The following MIA2 variants were observed in gnomAD, a reference collection of about 807,000 sequenced individuals.
MIA2 encodes melanoma inhibitory activity protein 2.
Under a neutral mutation model 167.8 loss-of-function variants are expected in MIA2, and 127 were observed. The ratio of observed to expected loss-of-function variants is 0.76; its 90% CI spans 0.66 to 0.88. MIA2 has a LOEUF of 0.88. MIA2 is among the 40% of genes least tolerant of loss of function. The pLI is 0.00. For synonymous variants in MIA2, 552 were observed against 541.9 expected, an observed-to-expected ratio of 1.02 and a Z score of -0.26; for missense variants, 1,690 against 1,624.7, an observed-to-expected ratio of 1.04 and a Z score of -0.69.
In MIA2 at chr14:39,318,954, C is replaced by T. The variant is rs904336336; in HGVS notation, c.3285-255C>T. 2.0e-5 allele frequency among the ~76,000 whole-genome samples: 3 copies of T among 152,092 alleles called. No individual in the cohort carries two copies. In the South Asian group the frequency reaches 6.2e-4, roughly 32 times the overall value. The stretch of plus-strand genomic sequence containing the variant: ...TCTGTGATATAGTACTCATGGTAGT[C>T]TAGTTTTGAAGAAGAAATAAAACAA... On this transcript the variant is annotated intron_variant, in intron 22 of 28. Coordinates refer to ENST00000640607, the MANE Select transcript of MIA2 (RefSeq NM_001329214.4).
In MIA2 at chr14:39,294,086, T is replaced by G; in HGVS notation, c.2391+15T>G. 6.5e-7 allele frequency: 1 copy of G among 1,547,088 alleles called. No homozygotes were observed. Among genetic ancestry groups the G allele is most frequent in the Non-Finnish European group, 8.8e-7 (1 of 1,130,152 alleles). On this transcript the variant is annotated intron_variant, in intron 12 of 28. Transcript: ENST00000640607. ...AAGTAGCTGAAGTAAGTTGAATTAG[T>G]CTAGTAGGTCTGTTGCTTTTGGAAA...
At chr14:39,385,100 G>A (rs1335675904) in intron 23 of MIA2, among the ~76,000 whole-genome samples, 1 of 152,096 alleles carries the variant, frequency 6.6e-6, no homozygotes, top group Non-Finnish European at 1.5e-5. Context: ...ACTGACGACT[G>A]CTACTTGATG....
chr14:39,272,527 G>C (rs923051196), intron 6 of MIA2, among the ~76,000 whole-genome samples: 1 of 152,296 alleles, frequency 6.6e-6, no homozygotes, highest in African/African-American at 2.4e-5. Flanking sequence ...TTGAAGTTGG[G>C]GTTTCACTAG....
intron 4 of MIA2, among the ~76,000 whole-genome samples, chr14:39,249,026 A>G (rs548378413): frequency 5.3e-5 from 8 of 152,316 alleles, no homozygotes; most frequent in African/African-American, 1.9e-4. Flanking sequence ...GGTGTGAGCC[A>G]TCGTGCCTGG....
chr14:39,330,673 T>G (rs909964173), intron 25 of MIA2, among the ~76,000 whole-genome samples: 1 of 152,206 alleles, frequency 6.6e-6, no homozygotes, highest in South Asian at 2.1e-4. Context: ...GTCTTTGTTC[T>G]CATTGGTTTC....
At chr14:39,359,772 A>G (rs984454895) in intron 23 of MIA2, among the ~76,000 whole-genome samples, 3 of 152,200 alleles carry the variant, frequency 2.0e-5, no homozygotes, top group Non-Finnish European at 4.4e-5. Flanking sequence ...TGCTATTGTC[A>G]GTAGTGCTGT....
intron 28 of MIA2, among the ~76,000 whole-genome samples, chr14:39,349,548 T>A (rs541347287): frequency 6.6e-6 from 1 of 152,346 alleles, no homozygotes; most frequent in African/African-American, 2.4e-5. Flanking sequence ...AGAATAAATA[T>A]GTGGTTACCA....
At chr14:39,380,187 A>G (rs1232429312) in intron 23 of MIA2, among the ~76,000 whole-genome samples, 1 of 152,256 alleles carries the variant, frequency 6.6e-6, no homozygotes, top group Non-Finnish European at 1.5e-5. Context: ...CACAACAGCA[A>G]TTAAAACCTG....
At chr14:39,255,385 A>G (rs1224553430) in intron 6 of MIA2, among the ~76,000 whole-genome samples, 1 of 152,114 alleles carries the variant, frequency 6.6e-6, no homozygotes, top group Non-Finnish European at 1.5e-5. Flanking sequence ...GCGCGCATCT[A>G]TAATCCCAGC....
intron 23 of MIA2, among the ~76,000 whole-genome samples, chr14:39,375,953 ATTTTTT>A (rs957320370): frequency 1.3e-5 from 2 of 151,930 alleles, no homozygotes; most frequent in Non-Finnish European, 2.9e-5. Context: ...TGAAAAATTG[ATTTTTT>A]TATTTTTATT....
At chr14:39,346,136 C>T (rs1016642561) in intron 26 of MIA2, 110 bp downstream of exon 26, 10 of 831,134 alleles carry the variant, frequency 1.2e-5, no homozygotes, top group African/African-American at 3.4e-5. Flanking sequence ...TTCCTAAGGC[C>T]AAAATCTCTT....
At chr14:39,269,301 T>G (rs2056695387) in intron 6 of MIA2, among the ~76,000 whole-genome samples, 1 of 152,014 alleles carries the variant, frequency 6.6e-6, no homozygotes, top group Non-Finnish European at 1.5e-5. Context: ...CTCAACATTT[T>G]TATTACCCCA....
intron 1 of MIA2, 25 bp from the exon 2 acceptor site, chr14:39,236,897 A>G (rs753844284): frequency 1.1e-5 from 18 of 1,588,412 alleles, no homozygotes; most frequent in African/African-American, 2.7e-5. Flanking sequence ...TAAAGTGTGT[A>G]TTTTTCTTTA....
At chr14:39,305,928 T>G (rs1241020228) in intron 17 of MIA2, among the ~76,000 whole-genome samples, 1 of 117,828 alleles carries the variant, frequency 8.5e-6, no homozygotes, top group Non-Finnish European at 1.9e-5. Flanking sequence ...CAAGCGAGAC[T>G]TTGTCTCAAA....
intron 2 of MIA2, among the ~76,000 whole-genome samples, chr14:39,237,545 A>C (rs2152599945): frequency 6.6e-6 from 1 of 152,342 alleles, no homozygotes; most frequent in African/African-American, 2.4e-5. Flanking sequence ...TGTTGGTTCC[A>C]ATATTTCTAT....
At position 39,380,716 on chromosome 14, in the gene MIA2, C is replaced by T. The variant is rs576651799; in HGVS notation, c.2249-6169C>T. Among the ~76,000 whole-genome samples the T allele has an allele frequency of 4.3e-3, 606 of 139,748 alleles. 2 individuals carry two copies. The highest frequency in any genetic ancestry group is 6.6e-3 in the Non-Finnish European group (430 of 64,846). 91.7% of individuals were successfully genotyped at this position (139,748 alleles called of 152,430 possible). On this transcript the variant is annotated intron_variant, in intron 23 of 23. Transcript: ENST00000341502. The stretch of plus-strand genomic sequence containing the variant: ...CAAAAAAAAAAAAAAAAAAAAAAAT[C>T]GATGCCAAGTCAAACATAAAATTAT...
At chr14:39,291,362 A>G (rs1414740120) in intron 10 of MIA2, among the ~76,000 whole-genome samples, 6 of 152,212 alleles carry the variant, frequency 3.9e-5, no homozygotes, top group African/African-American at 1.4e-4. Flanking sequence ...AGCTGTATAG[A>G]AACTTCGTTC....
At chr14:39,375,889 A>G (rs991850642) in intron 23 of MIA2, among the ~76,000 whole-genome samples, 1 of 152,226 alleles carries the variant, frequency 6.6e-6, no homozygotes, top group Non-Finnish European at 1.5e-5. Flanking sequence ...TTAAAGCAGG[A>G]TATTGTTATT....
intron 25 of MIA2, among the ~76,000 whole-genome samples, chr14:39,333,475 C>T (rs544240686): frequency 2.6e-5 from 4 of 152,300 alleles, no homozygotes; most frequent in East Asian, 3.9e-4. Context: ...ATATTGGGCT[C>T]TACCTTTGCG....
Sources: allele counts gnomAD v4.1 joint callset (sites outside exome capture counted in the v4.1 genomes callset), GRCh38; gene constraint gnomAD v4.1.1; transcripts MANE v1.5; gene names NCBI Gene and HGNC (gene_info 2026-07-23, HGNC 2026-07-21).